Variants in RAB5IF observed in about 807,000 individuals in gnomAD.
The protein encoded by RAB5IF is RAB5 interacting factor, also known as GEL complex subunit OPTI.
RAB5IF carries 15 observed loss-of-function variants against 20.3 expected under a neutral mutation model. That is an observed-to-expected ratio of 0.74 (90% CI 0.50 to 1.14). The LOEUF is 1.14. Among genes scored for constraint, RAB5IF ranks in the 50% most tolerant of loss-of-function variants. The pLI is 0.00. For missense variants in RAB5IF, 148 were observed against 159.5 expected, an observed-to-expected ratio of 0.93 and a Z score of 0.39; for synonymous variants, 67 against 63.7, an observed-to-expected ratio of 1.05 and a Z score of -0.25.
rs1269110587 is a variant in RAB5IF, at chr20:36,609,211, GCACA to G, written c.219-386_219-383del. Among the ~76,000 whole-genome samples, 68 of 36,626 alleles carry G rather than the reference GCACA, an allele frequency of 1.9e-3. 4 individuals carry two copies. The highest frequency in any genetic ancestry group is 3.9e-3 in the Admixed American group (13 of 3,328). 24.0% of individuals were successfully genotyped at this position (36,626 alleles called of 152,430 possible). Reference sequence around the variant, plus strand: ...CACACACACGCACACACGCACACACGCACACACGCACACACACACACACACACAC... The same window carrying G: ...CACACACACGCACACACGCACACACGCACGCACACACACACACACACACAC... On this transcript the variant is annotated intron_variant, in intron 2 of 3. Coordinates refer to ENST00000344795, the MANE Select transcript of RAB5IF (RefSeq NM_018840.5).
chr20:36,609,199 ACACGCACACACGCACACACG>A (rs1568595517), intron 2 of RAB5IF, among the ~76,000 whole-genome samples: 1,197 of 56,148 alleles, frequency 0.021, 332 homozygotes, highest in Middle Eastern at 0.072. Context: ...ACACACGCAC[ACACGCACACACGCACACACG>A]CACACACACA....
chr20:36,609,908 T>A (rs1483724095), intron 3 of RAB5IF, 178 bp downstream of exon 3: 1 of 995,074 alleles, frequency 1.0e-6, no homozygotes, highest in Non-Finnish European at 1.5e-6. Context: ...TGGTCTGATA[T>A]ACTGTACAGT....
intron 3 of RAB5IF, among the ~76,000 whole-genome samples, chr20:36,611,051 G>A (rs143329520): frequency 1.4e-4 from 22 of 152,260 alleles, no homozygotes; most frequent in African/African-American, 4.6e-4. Context: ...GTGCAGTGGC[G>A]CAGTCTTGGC....
At chr20:36,610,661 C>T (rs2039086791) in intron 3 of RAB5IF, among the ~76,000 whole-genome samples, 1 of 151,090 alleles carries the variant, frequency 6.6e-6, no homozygotes, top group Non-Finnish European at 1.5e-5. Context: ...CGCCACTGCA[C>T]TCCATTCCAG....
At chr20:36,609,184 C>CAT (rs1568595375) in intron 2 of RAB5IF, among the ~76,000 whole-genome samples, 2 of 43,680 alleles carry the variant, frequency 4.6e-5, no homozygotes, top group Admixed American at 4.9e-4. Flanking sequence ...CACACACACA[C>CAT]ACACACACAC....
At chr20:36,609,844 A>T in intron 3 of RAB5IF, 114 bp downstream of exon 3, 1 of 1,596,738 alleles carries the variant, frequency 6.3e-7, no homozygotes, top group Non-Finnish European at 8.6e-7. Flanking sequence ...TATTTTTCTA[A>T]AGGCTTCTGA....
intron 2 of RAB5IF, 84 bp downstream of exon 2, chr20:36,607,902 C>T: frequency 1.3e-6 from 2 of 1,579,904 alleles, no homozygotes; most frequent in Admixed American, 1.8e-5. Context: ...AAGGCCATTG[C>T]TGCTCTGGAG....
intron 2 of RAB5IF, 165 bp downstream of exon 2, chr20:36,607,983 T>C: frequency 6.7e-7 from 1 of 1,490,520 alleles, no homozygotes; most frequent in Non-Finnish European, 9.0e-7. Flanking sequence ...GGTGCACCAC[T>C]CCTCAGGAGC....
In RAB5IF at chr20:36,605,870, C is replaced by A; in HGVS notation, c.-82C>A. ...CCGCTGAGCCTGCAGCCGCCCCGCG[C>A]CGTGACCTGCGACCCTAGACCCCGA... On this transcript the variant is annotated 5_prime_UTR_variant, in exon 1 of 4. Coordinates refer to ENST00000344795, the MANE Select transcript of RAB5IF (RefSeq NM_018840.5). 2.6e-6 allele frequency: 2 copies of A among 756,346 alleles called. No individual in the cohort carries two copies. Among genetic ancestry groups the A allele is most frequent in the Non-Finnish European group, 3.8e-6 (2 of 525,084 alleles). The allele number at this position is 756,346 out of a possible 1,614,324, so 46.9% of individuals were successfully genotyped here. A position where few individuals can be genotyped will look rare whatever the true frequency, so the allele number is the denominator to read the frequency against.
intron 2 of RAB5IF, among the ~76,000 whole-genome samples, chr20:36,609,014 A>G (rs1446504006): frequency 6.6e-6 from 1 of 151,660 alleles, no homozygotes; most frequent in Non-Finnish European, 1.5e-5. Context: ...TGCTTGCTCA[A>G]CTAGGCTACG....
chr20:36,608,038 G>T, intron 2 of RAB5IF: 1 of 1,296,694 alleles, frequency 7.7e-7, no homozygotes, highest in Non-Finnish European at 1.0e-6. Flanking sequence ...TGAAGGCTGG[G>T]CCAGTCCATT....
At position 36,612,215 on chromosome 20, in the gene RAB5IF, G is replaced by A; in HGVS notation, c.*164G>A. The A allele has an allele frequency of 6.2e-7, 1 of 1,614,140 alleles. No individual in the cohort carries two copies. On this transcript the variant is annotated 3_prime_UTR_variant, in exon 4 of 4. Coordinates refer to ENST00000344795, the MANE Select transcript of RAB5IF (RefSeq NM_018840.5). ...GGCATCAGTGTTTTCTGCAAGGGTT[G>A]TGACCTGAAACTTTTTAAAAACCAC... is the stretch of plus-strand genomic sequence containing the variant.
rs1163227223 is a variant in RAB5IF at position 36,612,405 on chromosome 20, T to C, written c.*354T>C. The C allele has an allele frequency of 1.6e-6, 1 of 644,796 alleles. No individual in the cohort carries two copies. Among genetic ancestry groups the C allele is most frequent in the Non-Finnish European group, 2.7e-6 (1 of 372,858 alleles). The allele number at this position is 644,796 out of a possible 1,614,324, so 39.9% of individuals were successfully genotyped here. ...GTCTTCCTCGATTCTCCATCGGGTGTAGAGTTTTTAAACTATCAATGGCAT... is the reference window on the plus strand; with the variant it reads ...GTCTTCCTCGATTCTCCATCGGGTGCAGAGTTTTTAAACTATCAATGGCAT... On this transcript the variant is annotated 3_prime_UTR_variant, in exon 4 of 4. Transcript: ENST00000344795.
At chr20:36,610,077 G>A (rs1457103082) in intron 3 of RAB5IF, among the ~76,000 whole-genome samples, 1 of 152,182 alleles carries the variant, frequency 6.6e-6, no homozygotes, top group Non-Finnish European at 1.5e-5. Context: ...GAGGTCAGGA[G>A]TTCAAGACCA....
At chr20:36,609,251 A>ACACACACC (rs2039043283) in intron 2 of RAB5IF, among the ~76,000 whole-genome samples, 1 of 134,938 alleles carries the variant, frequency 7.4e-6, no homozygotes. Flanking sequence ...ACACACACAC[A>ACACACACC]CACACTATAT....
chr20:36,606,693 A>T (rs1568593694), intron 1 of RAB5IF, among the ~76,000 whole-genome samples: 1 of 152,282 alleles, frequency 6.6e-6, no homozygotes, highest in East Asian at 1.9e-4. Context: ...GTGGGGGTGG[A>T]GAAACGCCAC....
At chr20:36,606,276 C>T (rs1177297031) in intron 1 of RAB5IF, among the ~76,000 whole-genome samples, 2 of 152,204 alleles carry the variant, frequency 1.3e-5, no homozygotes, top group Non-Finnish European at 2.9e-5. Context: ...GGATGAAGCC[C>T]CCTAGTTATG....
In RAB5IF at chr20:36,606,019, C is replaced by T. The variant is rs1185395420; in HGVS notation, c.68C>T (p.Ser23Phe). 3.9e-6 allele frequency: 6 copies of T among 1,529,796 alleles called. No individual in the cohort carries two copies. The highest frequency in any genetic ancestry group is 5.3e-6 in the Non-Finnish European group (6 of 1,135,470). The allele number at this position is 1,529,796 out of a possible 1,614,324, so 94.8% of individuals were successfully genotyped here. A position where few individuals can be genotyped will look rare whatever the true frequency, so the allele number is the denominator to read the frequency against. Residue 23 changes from serine (S) to phenylalanine (F), a missense_variant, in exon 1 of 4, where the codon TCC becomes TTC. Transcript: ENST00000344795. ...PQLANGALKV[S>F]VWSKVLRSDA... Reference sequence around the variant, plus strand: ...CTGGCCAACGGGGCCCTCAAAGTCTCCGTCTGGAGTAAGGTGCTGCGGAGC... The same window carrying T: ...CTGGCCAACGGGGCCCTCAAAGTCTTCGTCTGGAGTAAGGTGCTGCGGAGC...
chr20:36,607,833 T>C lies in RAB5IF; in HGVS notation c.218+15T>C, dbSNP rs2038970750. On this transcript the variant is annotated intron_variant, in intron 2 of 3. Transcript: ENST00000344795. ...GGAATAGCAGGGTAAGTCTTGGGTA[T>C]CTTATATTTTCATGGTATCATTTCT... 6.2e-7 allele frequency: 1 copy of C among 1,613,054 alleles called. No individual in the cohort carries two copies. Among genetic ancestry groups the C allele is most frequent in the South Asian group, 1.1e-5 (1 of 91,060 alleles).
Sources: gnomAD v4.1 joint callset for allele counts (sites outside exome capture counted in the v4.1 genomes callset) on GRCh38, gnomAD v4.1.1 for gene constraint, MANE v1.5 for transcripts, NCBI Gene and HGNC (gene_info 2026-07-23, HGNC 2026-07-21) for gene names.